The following CP variants were observed in gnomAD, a reference collection of about 807,000 sequenced individuals.
The protein encoded by CP is caeruloplasmin.
Under a neutral mutation model 122.4 loss-of-function variants are expected in CP, and 64 were observed. The ratio of observed to expected loss-of-function variants is 0.52; its 90% CI spans 0.43 to 0.64. The LOEUF (loss-of-function observed/expected upper bound fraction) is 0.64, where lower values mean the gene tolerates loss of function less well. Among genes scored for constraint, CP ranks in the 30% least tolerant of loss-of-function variants. The probability of loss-of-function intolerance (pLI) is 0.00; values close to 1 mark genes in which losing one functional copy is unlikely to be tolerated. For missense variants in CP, 1,167 were observed against 1,284.4 expected (o/e 0.91, Z 1.40); for synonymous variants, 440 against 436.4 (o/e 1.01, Z -0.10).
rs767483223 is a variant in CP, at chr3:149,162,825, T to C, written c.*64A>G. 1.9e-6 allele frequency: 3 copies of C among 1,613,994 alleles called. No individual in the cohort carries two copies. The Admixed American group carries it at 5.0e-5, about 27-fold the overall frequency. On this transcript the variant is annotated 3_prime_UTR_variant, in exon 6 of 6. Transcript: ENST00000479771. ...ACTCACATCACAGTACATCTGGAGA[T>C]TGTCTAAGAGGCAGCCTCCTGACAC...
intron 6 of CP, among the ~76,000 whole-genome samples, chr3:149,205,266 A>C (rs767139199): frequency 6.6e-6 from 1 of 150,964 alleles, no homozygotes; most frequent in Non-Finnish European, 1.5e-5. Context: ...ATTGCTGATG[A>C]GCCTGTAAAA....
chr3:149,170,984 A>C (rs909803073), downstream of CP, among the ~76,000 whole-genome samples: 2 of 152,138 alleles, frequency 1.3e-5, no homozygotes, highest in African/African-American at 4.8e-5. Context: ...CTTAATATTT[A>C]AAATGTTCAC....
At chr3:149,211,256 G>A (rs1265655265) in intron 2 of CP, among the ~76,000 whole-genome samples, 3 of 152,104 alleles carry the variant, frequency 2.0e-5, no homozygotes, top group Admixed American at 6.6e-5. Context: ...TAATTTCAAT[G>A]AACTGTAGCA....
intron 1 of CP, among the ~76,000 whole-genome samples, chr3:149,218,502 TC>T (rs1054892546): frequency 6.6e-6 from 1 of 151,958 alleles, no homozygotes; most frequent in East Asian, 1.9e-4. Flanking sequence ...ATTTTTTTAG[TC>T]CCCCCCAAAA....
chr3:149,181,389 C>T (rs1725765679), intron 14 of CP, among the ~76,000 whole-genome samples: 1 of 152,162 alleles, frequency 6.6e-6, no homozygotes, highest in Non-Finnish European at 1.5e-5. Flanking sequence ...CAAGGAAGCC[C>T]TCCTGACCTC....
chr3:149,221,650 T>C lies in CP; in HGVS notation c.143A>G (p.Asp48Gly). 6.2e-7 allele frequency: 1 copy of C among 1,612,144 alleles called. No individual in the cohort carries two copies. Among genetic ancestry groups the C allele is most frequent in the African/African-American group, 1.3e-5 (1 of 74,974 alleles). Residue 48 changes from aspartate (D) to glycine (G), a missense_variant, in exon 1 of 19, where the codon GAC (aspartate) becomes GGC (glycine). By Grantham distance (94) the Asp-to-Gly change is moderately conservative. Coordinates refer to ENST00000264613, the MANE Select transcript of CP (RefSeq NM_000096.4). ...AACAATAAAAATAGTGACTTACGTG[T>C]CAACAGAAATAAGTTTCTTTTCCCC... ...DHGEKKLISV[D>G]TEHSNIYLQN...
intron 1 of CP, among the ~76,000 whole-genome samples, chr3:149,218,717 T>C (rs569813101): frequency 2.3e-4 from 35 of 152,200 alleles, no homozygotes; most frequent in Admixed American, 6.5e-4. Flanking sequence ...TATTTACTCA[T>C]TTAAACTTAT....
intron 6 of CP, among the ~76,000 whole-genome samples, chr3:149,202,859 T>C (rs1247753438): frequency 2.0e-5 from 3 of 148,376 alleles, no homozygotes; most frequent in African/African-American, 7.5e-5. Context: ...TCTGCCCGCC[T>C]CGGCCTCCCA....
chr3:149,190,688 GA>G (rs1235829524), intron 9 of CP, among the ~76,000 whole-genome samples: 2 of 150,594 alleles, frequency 1.3e-5, no homozygotes, highest in African/African-American at 4.9e-5. Context: ...AGGAGGGGGG[GA>G]ACCCCATAAA....
intron 9 of CP, 88 bp from the exon 10 acceptor site, chr3:149,188,290 C>G (rs1415642658): frequency 1.8e-6 from 2 of 1,128,770 alleles, no homozygotes; most frequent in Admixed American, 4.1e-5. Context: ...ACAAACACAC[C>G]TAAAGGAAAG....
At chr3:149,181,975 C>CCGG in intron 14 of CP, 30 bp downstream of exon 14, 1 of 1,088,426 alleles carries the variant, frequency 9.2e-7, no homozygotes, top group Non-Finnish European at 1.4e-6. Context: ...TGTTAAAATG[C>CCGG]ACCACCCCCA....
chr3:149,179,461 C>T (rs984105602), intron 15 of CP, 95 bp downstream of exon 15: 45 of 925,284 alleles, frequency 4.9e-5, no homozygotes, highest in Middle Eastern at 6.0e-4. Flanking sequence ...AGGATTTTAA[C>T]GTAGAATTGG....
chr3:149,165,444 T>C (rs1044691494), intron 5 of CP, among the ~76,000 whole-genome samples: 1 of 152,100 alleles, frequency 6.6e-6, no homozygotes, highest in African/African-American at 2.4e-5. Flanking sequence ...GCAAAATCTT[T>C]GCTGTTGAAG....
intron 9 of CP, among the ~76,000 whole-genome samples, chr3:149,195,860 C>T (rs1392798478): frequency 1.4e-5 from 2 of 140,404 alleles, no homozygotes; most frequent in East Asian, 2.0e-4. Flanking sequence ...AGCGAGACAC[C>T]GTCTCAAAAA....
chr3:149,198,250 T>C (rs1727029189), intron 9 of CP, 117 bp downstream of exon 9: 2 of 752,536 alleles, frequency 2.7e-6, no homozygotes, highest in African/African-American at 1.8e-5. Flanking sequence ...TCCTTATCTT[T>C]TAAAGGTATA....
intron 17 of CP, chr3:149,176,685 G>T: frequency 5.2e-6 from 2 of 387,956 alleles, no homozygotes; most frequent in Non-Finnish European, 9.5e-6. Context: ...CCTTGATTCT[G>T]GTTTGCCTGT....
rs1279005476 is a variant in CP at position 149,203,591 on chromosome 3, CACATG to C, written c.1209-1355_1209-1351del. ...GAGCTTTTGTTTATTAGCTGAAACT[CACATG>C]ACATCGCAACAAAGTTGGTATTATT... On this transcript the variant is annotated intron_variant, in intron 6 of 18. Transcript: ENST00000264613. Among the ~76,000 whole-genome samples, 9 of 152,190 alleles carry C rather than the reference CACATG, an allele frequency of 5.9e-5. No homozygotes were observed. In the East Asian group the frequency reaches 1.3e-3, roughly 23 times the overall value.
Position 149,221,755 on chromosome 3 carries a change from C to T in CP, c.38G>A (p.Cys13Tyr). 6.2e-7 allele frequency: 1 copy of T among 1,613,664 alleles called. No homozygotes were observed. Among genetic ancestry groups the T allele is most frequent in the Middle Eastern group, 1.7e-4 (1 of 6,058 alleles). The change falls in exon 1 of 19, where the codon TGT becomes TAT. Residue 13 changes from cysteine to tyrosine, a missense_variant. Physicochemically the swap from Cys to Tyr is radical, Grantham distance 194 (BLOSUM62 -2). This residue lies in a region of CP where 642 missense variants were observed against 627.3 expected (regional missense o/e 1.02). Coordinates refer to ENST00000264613, the MANE Select transcript of CP (RefSeq NM_000096.4). The stretch of plus-strand genomic sequence containing the variant: ...TTCTTTCGCCCAGGCTGGGGTACTA[C>T]ATAAAAACAGAAAAATACCAAGTAT... The part of the protein sequence containing the change: ...ILILGIFLFL[C>Y]STPAWAKEKH...
At chr3:149,182,370 C>T (rs1456115856) in intron 13 of CP, among the ~76,000 whole-genome samples, 5 of 152,092 alleles carry the variant, frequency 3.3e-5, no homozygotes, top group East Asian at 3.9e-4. Flanking sequence ...TGCAGAGTAC[C>T]GGTCTAATCA....
Sources: allele counts gnomAD v4.1 joint callset (sites outside exome capture counted in the v4.1 genomes callset), GRCh38; gene constraint gnomAD v4.1.1; regional missense constraint gnomAD v4.1.1; transcripts MANE v1.5; gene names NCBI Gene and HGNC (gene_info 2026-07-23, HGNC 2026-07-21).